Variants in DOCK5 observed in about 807,000 individuals in gnomAD.
The protein encoded by DOCK5 is dedicator of cytokinesis protein 5.
Under a neutral mutation model 251.8 loss-of-function variants are expected in DOCK5, and 142 were observed. That is an observed-to-expected ratio of 0.56 (90% CI 0.49 to 0.65). DOCK5 has a LOEUF of 0.65. Ranked by LOEUF, DOCK5 falls within the 30% of genes least tolerant of loss-of-function variation. The pLI, the probability that DOCK5 is intolerant of heterozygous loss-of-function variation, is 0.00. For synonymous variants in DOCK5, 842 were observed against 835.5 expected (o/e 1.01, Z -0.13); for missense variants, 2,111 against 2,312.3 (o/e 0.91, Z 1.79).
chr8:25,340,752 T>G, intron 22 of DOCK5, 125 bp from the exon 23 acceptor site: 2 of 771,476 alleles, frequency 2.6e-6, no homozygotes, highest in African/African-American at 1.7e-5. Flanking sequence ...TGACTGGGGC[T>G]TAATTAGGTG....
chr8:25,377,992 C>T (rs1586377398), intron 38 of DOCK5, among the ~76,000 whole-genome samples: 3 of 151,562 alleles, frequency 2.0e-5, no homozygotes, highest in Admixed American at 1.3e-4. Context: ...CTCCAGTGAT[C>T]CTCCTGTATT....
chr8:25,283,874 T>A (rs1408821751), intron 5 of DOCK5, among the ~76,000 whole-genome samples: 1 of 152,172 alleles, frequency 6.6e-6, no homozygotes, highest in Non-Finnish European at 1.5e-5. Flanking sequence ...CCTATACTGC[T>A]GTGCCTCAGT....
chr8:25,226,752 A>G (rs1802545057), intron 1 of DOCK5, among the ~76,000 whole-genome samples: 1 of 151,614 alleles, frequency 6.6e-6, no homozygotes, highest in African/African-American at 2.4e-5. Context: ...CGCCCGGCTA[A>G]TTTTTTGTAT....
chr8:25,260,801 T>C (rs1484299481), intron 2 of DOCK5, among the ~76,000 whole-genome samples: 2 of 151,854 alleles, frequency 1.3e-5, no homozygotes, highest in Admixed American at 6.6e-5. Context: ...TCTTTCTTTT[T>C]TTTTTTTTTA....
At chr8:25,269,190 G>A (rs1315193773) in intron 3 of DOCK5, among the ~76,000 whole-genome samples, 2 of 152,204 alleles carry the variant, frequency 1.3e-5, no homozygotes, top group African/African-American at 4.8e-5. Context: ...GATCTCTTTT[G>A]CAGGGAGGGG....
intron 46 of DOCK5, 70 bp from the exon 47 acceptor site, chr8:25,400,859 T>C: frequency 6.5e-7 from 1 of 1,549,628 alleles, no homozygotes; most frequent in South Asian, 1.1e-5. Flanking sequence ...CATCCCTCCC[T>C]TCCCCAACCA....
At chr8:25,396,329 C>T (rs1028762818) in intron 45 of DOCK5, among the ~76,000 whole-genome samples, 6 of 152,108 alleles carry the variant, frequency 3.9e-5, no homozygotes, top group Admixed American at 6.5e-5. Flanking sequence ...TTCAGTAAGC[C>T]GAGATTGGGC....
At chr8:25,376,783 G>A (rs1800970124) in intron 37 of DOCK5, 1 of 152,070 alleles carries the variant, frequency 6.6e-6, no homozygotes, top group Non-Finnish European at 1.5e-5. Context: ...GTTCTTTTTG[G>A]ACTTATTTTT....
At chr8:25,207,433 C>G (rs967377123) in intron 1 of DOCK5, among the ~76,000 whole-genome samples, 1 of 152,140 alleles carries the variant, frequency 6.6e-6, no homozygotes, top group Non-Finnish European at 1.5e-5. Flanking sequence ...AAGTCAGTGA[C>G]GGGCATCAAA....
In DOCK5 at chr8:25,199,596, TG is replaced by T. The variant is rs555214133; in HGVS notation, c.43+14647del. 2.8e-3 allele frequency among the ~76,000 whole-genome samples: 426 copies of T among 152,204 alleles called. 3 individuals are homozygous for T. Among genetic ancestry groups the T allele is most frequent in the Non-Finnish European group, 4.2e-3 (283 of 68,034 alleles). On this transcript the variant is annotated intron_variant, in intron 1 of 51. Coordinates refer to ENST00000276440, the MANE Select transcript of DOCK5 (RefSeq NM_024940.8). ...CGGGGTTTCACCATGTTGGCCAAGC[TG>T]GTCTTGAACTCCTGACCTCAGGTGA...
At chr8:25,341,944 T>C in intron 24 of DOCK5, 135 bp downstream of exon 24, 1 of 724,636 alleles carries the variant, frequency 1.4e-6, no homozygotes, top group East Asian at 2.7e-5. Context: ...TGCTCAGTTC[T>C]GTGGAAGATG....
chr8:25,381,189 A>C (rs888624542), intron 39 of DOCK5, among the ~76,000 whole-genome samples: 1 of 152,204 alleles, frequency 6.6e-6, no homozygotes, highest in Non-Finnish European at 1.5e-5. Context: ...TTTCTAGTAG[A>C]GGAGTTAGAA....
chr8:25,273,481 T>G (rs1404598086), intron 3 of DOCK5, among the ~76,000 whole-genome samples: 2 of 152,214 alleles, frequency 1.3e-5, no homozygotes, highest in Non-Finnish European at 2.9e-5. Context: ...TGCATACCTG[T>G]AATCCCAGCT....
At chr8:25,411,136 G>A in intron 51 of DOCK5, 58 bp from the exon 52 acceptor site, 2 of 1,445,366 alleles carry the variant, frequency 1.4e-6, no homozygotes, top group Admixed American at 2.9e-5. Context: ...AGGAGGAGAA[G>A]GCAGAATTGG....
chr8:25,291,538 C>T (rs1369434026), intron 5 of DOCK5, among the ~76,000 whole-genome samples: 3 of 151,804 alleles, frequency 2.0e-5, no homozygotes, highest in African/African-American at 7.3e-5. Flanking sequence ...CAAAAATTAG[C>T]TGGGTGTGGT....
chr8:25,315,552 C>T (rs1232237223), intron 13 of DOCK5, among the ~76,000 whole-genome samples: 2 of 152,246 alleles, frequency 1.3e-5, no homozygotes, highest in Non-Finnish European at 2.9e-5. Flanking sequence ...ATGTTACCTC[C>T]ATTACGTGAT....
chr8:25,271,509 G>A (rs1803911500), intron 3 of DOCK5, among the ~76,000 whole-genome samples: 1 of 152,140 alleles, frequency 6.6e-6, no homozygotes, highest in Non-Finnish European at 1.5e-5. Context: ...CGTCTTTAAG[G>A]GGAAGAGCTA....
chr8:25,198,070 TG>T (rs2117454266), intron 1 of DOCK5, among the ~76,000 whole-genome samples: 1 of 152,300 alleles, frequency 6.6e-6, no homozygotes, highest in Admixed American at 6.5e-5. Context: ...TAAAACAGCT[TG>T]AGGGAAGGAA....
chr8:25,333,640 G>C (rs1805733234), intron 20 of DOCK5, among the ~76,000 whole-genome samples: 1 of 152,168 alleles, frequency 6.6e-6, no homozygotes, highest in African/African-American at 2.4e-5. Flanking sequence ...CAGTGCAAGA[G>C]AATATACAAG....
Sources: allele counts gnomAD v4.1 joint callset (sites outside exome capture counted in the v4.1 genomes callset), GRCh38; gene constraint gnomAD v4.1.1; transcripts MANE v1.5; gene names NCBI Gene and HGNC (gene_info 2026-07-23, HGNC 2026-07-21).